AIFM3: variants seen among roughly 807,000 people sequenced by gnomAD.
AIFM3 encodes the protein AIF family member 3.
A neutral mutation model predicts 82.7 loss-of-function variants in AIFM3; 71 were observed. The observed-to-expected ratio is 0.86, with a 90% CI of 0.71 to 1.05. The LOEUF is 1.05. AIFM3 is among the 50% of genes least tolerant of loss of function. The pLI, the probability that AIFM3 is intolerant of heterozygous loss-of-function variation, is 0.00. For synonymous variants in AIFM3, 337 were observed against 329.1 expected, an observed-to-expected ratio of 1.02 and a Z score of -0.26; for missense variants, 748 against 816.7, an observed-to-expected ratio of 0.92 and a Z score of 1.03.
intron 16 of AIFM3, among the ~76,000 whole-genome samples, chr22:20,978,950 T>A (rs1171010181): frequency 6.6e-6 from 1 of 152,076 alleles, no homozygotes; most frequent in Non-Finnish European, 1.5e-5. Flanking sequence ...TCAGACCTGA[T>A]ACGTCTGATT....
At chr22:20,973,584 A>AACCCCGACCCCCGGC in intron 3 of AIFM3, 64 bp downstream of exon 3, 1 of 1,513,198 alleles carries the variant, frequency 6.6e-7, no homozygotes, top group Non-Finnish European at 8.9e-7. Context: ...TGAGGGGGCC[A>AACCCCGACCCCCGGC]TAGCCGGGGG....
Position 20,979,684 on chromosome 22 carries a change from T to C in AIFM3, c.1634T>C (p.Phe545Ser). 1 of 1,614,190 alleles carries C rather than the reference T, an allele frequency of 6.2e-7. No homozygotes were observed. The highest frequency in any genetic ancestry group is 8.5e-7 in the Non-Finnish European group (1 of 1,180,030). Reference protein sequence around the residue: ...IIQGDLEELKFVAFYTKGDEV... With the variant: ...IIQGDLEELKSVAFYTKGDEV... ...CAGGGGGATCTGGAGGAGCTGAAGT[T>C]TGTGGCTTTTTACACTAAGTGAGAG... Residue 545 changes from phenylalanine to serine, a missense_variant, in exon 18 of 21, where the codon TTT becomes TCT. Physicochemically the swap from Phe to Ser is radical, Grantham distance 155. This residue lies in a region of AIFM3 where 183 missense variants were observed against 158.2 expected (regional missense o/e 1.16). Transcript: ENST00000440238.
chr22:20,970,276 CT>C (rs2147936689), intron 2 of AIFM3, among the ~76,000 whole-genome samples: 2 of 152,202 alleles, frequency 1.3e-5, no homozygotes, highest in South Asian at 4.1e-4. Context: ...TAGGCATTTG[CT>C]GTTCTCTCTG....
chr22:20,979,474 G>T (rs1601710644), intron 17 of AIFM3, 105 bp downstream of exon 17: 2 of 1,468,770 alleles, frequency 1.4e-6, no homozygotes, highest in Middle Eastern at 2.4e-4. Flanking sequence ...GACCGCACTA[G>T]GAAGAGGCCG....
At chr22:20,973,697 G>A (rs1239586323) in intron 3 of AIFM3, 61 bp from the exon 4 acceptor site, 12 of 1,457,470 alleles carry the variant, frequency 8.2e-6, no homozygotes, top group Non-Finnish European at 9.2e-7. Context: ...GACACTGGGA[G>A]GAGCTGCCAG....
chr22:20,970,397 C>T (rs1400564036), intron 2 of AIFM3, among the ~76,000 whole-genome samples: 1 of 152,136 alleles, frequency 6.6e-6, no homozygotes, highest in Non-Finnish European at 1.5e-5. Context: ...AGTGATCCTC[C>T]CACCTCCTGA....
At chr22:20,968,134 T>C (rs544487927) in intron 2 of AIFM3, among the ~76,000 whole-genome samples, 159 bp downstream of exon 2, 1 of 150,892 alleles carries the variant, frequency 6.6e-6, no homozygotes, top group East Asian at 1.9e-4. Context: ...CAGGAGGGGG[T>C]AGGGGGCCTG....
At chr22:20,979,550 G>C in intron 17 of AIFM3, 77 bp from the exon 18 acceptor site, 2 of 1,561,914 alleles carry the variant, frequency 1.3e-6, no homozygotes, top group South Asian at 2.2e-5. Context: ...GGCCTGGGCG[G>C]GGTTAGGAGG....
In AIFM3 at chr22:20,981,298, C is replaced by G. The variant is rs1924103930; in HGVS notation, c.*267C>G. On this transcript the variant is annotated 3_prime_UTR_variant, in exon 21 of 21. Transcript: ENST00000440238. ...CTTCTCCCTCTATTGGGACTGGTCC[C>G]CTGAAGAACCCTGCAACACGTTAAA... is the stretch of plus-strand genomic sequence containing the variant. 2 of 538,052 alleles carry G rather than the reference C, an allele frequency of 3.7e-6. No individual in the cohort carries two copies. The highest frequency in any genetic ancestry group is 6.3e-5 in the Admixed American group (2 of 31,570). The allele number at this position is 538,052 out of a possible 1,614,324, so 33.3% of individuals were successfully genotyped here. A position where few individuals can be genotyped will look rare whatever the true frequency, so the allele number is the denominator to read the frequency against.
rs1391902576 is a variant in AIFM3 at position 20,980,760 on chromosome 22, C to G, written c.1771C>G (p.His591Asp). The part of the protein sequence containing the change: ...RKREVELFVL[H>D]SKTGDMSWLT... ...GCCTTCGTGAAGGCTGTTTGTGCTGCACAGCAAGTACGTGTGTCCTTCATG... is the reference window on the plus strand; with the variant it reads ...GCCTTCGTGAAGGCTGTTTGTGCTGGACAGCAAGTACGTGTGTCCTTCATG... The change falls in exon 20 of 21, where the codon CAC becomes GAC. Residue 591 changes from histidine (H) to aspartate (D), a missense_variant. Physicochemically the swap from His to Asp is moderately conservative, Grantham distance 81 (BLOSUM62 -1). Around this residue, in one of 5 missense-constraint regions of AIFM3, gnomAD observed 183 missense variants for 158.2 expected, o/e 1.16. Coordinates refer to ENST00000440238, the MANE Select transcript of AIFM3 (RefSeq NM_001386814.1). 6.2e-7 allele frequency: 1 copy of G among 1,614,212 alleles called. No homozygotes were observed. Among genetic ancestry groups the G allele is most frequent in the Admixed American group, 1.7e-5 (1 of 60,032 alleles).
intron 14 of AIFM3, 161 bp from the exon 15 acceptor site, chr22:20,977,539 G>A (rs573871110): frequency 1.3e-6 from 1 of 798,560 alleles, no homozygotes; most frequent in East Asian, 2.7e-5. Flanking sequence ...CGGGTCTGTG[G>A]GAGACCGGGT....
intron 2 of AIFM3, among the ~76,000 whole-genome samples, chr22:20,973,100 G>A (rs1283129336): frequency 6.6e-6 from 1 of 152,056 alleles, no homozygotes; most frequent in Non-Finnish European, 1.5e-5. Flanking sequence ...AGACCCGGGA[G>A]CACCCCCACC....
chr22:20,979,390 G>A, intron 17 of AIFM3, 21 bp downstream of exon 17: 1 of 1,548,922 alleles, frequency 6.5e-7, no homozygotes, highest in Non-Finnish European at 8.7e-7. Context: ...GGCCTCGGAT[G>A]GGGGCGGGGC....
At chr22:20,966,804 A>G (rs1015373045), upstream of AIFM3, 7 of 141,812 alleles carry the variant, frequency 4.9e-5, no homozygotes, top group African/African-American at 1.8e-4. Context: ...CCTTAGGGTG[A>G]TATGGGGGCT....
Position 20,973,842 on chromosome 22 carries a change from G to T in AIFM3, c.330G>T (p.Pro110=). 6.4e-7 allele frequency: 1 copy of T among 1,555,844 alleles called. No homozygotes were observed. Among genetic ancestry groups the T allele is most frequent in the Non-Finnish European group, 8.7e-7 (1 of 1,149,168 alleles). The part of the protein sequence containing the change: ...GEFHALGHKC[P]HYGAPLVKGV... ...TCCACGCCCTGGGCCATAAGTGTCCGCACTACGGCGCACCCCTGGTGAAAG... is the reference window on the plus strand; with the variant it reads ...TCCACGCCCTGGGCCATAAGTGTCCTCACTACGGCGCACCCCTGGTGAAAG... Residue 110 remains proline (P), a synonymous_variant, in exon 4 of 21, where the codon CCG becomes CCT. Coordinates refer to ENST00000440238, the MANE Select transcript of AIFM3 (RefSeq NM_001386814.1).
At position 20,970,324 on chromosome 22, in the gene AIFM3, T is replaced by C. The variant is rs116916904; in HGVS notation, c.31+2349T>C. ...TTTTTTGAGATGGGGTCTCATTCTG[T>C]TGCCCAGGTTGGAGTAAAGTCGCAT... On this transcript the variant is annotated intron_variant, in intron 2 of 20. Coordinates refer to ENST00000440238, the MANE Select transcript of AIFM3 (RefSeq NM_001386814.1). Among the ~76,000 whole-genome samples the C allele has an allele frequency of 6.6e-5, 10 of 152,342 alleles. No homozygotes were observed. In the East Asian group the frequency reaches 1.9e-3, roughly 29 times the overall value.
Position 20,980,091 on chromosome 22 carries a change from C to T in AIFM3, c.1724C>T (p.Ala575Val), listed in dbSNP as rs2147952280. ...PIVSKVAEVL[A>V]SGRAIRKREV... is the part of the protein sequence containing the mutation. ...GTGTCCAAGGTCGCTGAGGTGCTGG[C>T]CTCAGGCCGTGCCATCCGGAAGCGG... The change falls in exon 19 of 21, where the codon GCC (alanine) becomes GTC (valine). Residue 575 changes from alanine to valine, a missense_variant. Coordinates refer to ENST00000440238, the MANE Select transcript of AIFM3 (RefSeq NM_001386814.1). The T allele has an allele frequency of 1.9e-6, 3 of 1,610,086 alleles. No homozygotes were observed. The highest frequency in any genetic ancestry group is 1.7e-4 in the Middle Eastern group (1 of 6,060).
At chr22:20,978,617 G>A (rs1033771718) in intron 16 of AIFM3, among the ~76,000 whole-genome samples, 4 of 151,932 alleles carry the variant, frequency 2.6e-5, no homozygotes, top group African/African-American at 9.7e-5. Context: ...CTGGGACAAA[G>A]GACTTCTCTG....
intron 8 of AIFM3, 30 bp downstream of exon 8, chr22:20,974,846 A>G (rs987516439): frequency 4.4e-6 from 7 of 1,601,208 alleles, no homozygotes; most frequent in Non-Finnish European, 6.0e-6. Context: ...TAGGGACCCT[A>G]TCCCTCTGGG....
Sources: gnomAD v4.1 joint callset for allele counts (sites outside exome capture counted in the v4.1 genomes callset) on GRCh38, gnomAD v4.1.1 for gene constraint, gnomAD v4.1.1 regional missense constraint, MANE v1.5 for transcripts, NCBI Gene and HGNC (gene_info 2026-07-23, HGNC 2026-07-21) for gene names.